Variants in CDH4 observed in about 807,000 individuals in gnomAD.
The protein encoded by CDH4 is cadherin-4.
A neutral mutation model predicts 86.0 loss-of-function variants in CDH4; 33 were observed. The ratio of observed to expected loss-of-function variants is 0.38; its 90% confidence interval spans 0.29 to 0.51. The LOEUF is 0.51. Ranked by LOEUF, CDH4 falls within the 20% of genes least tolerant of loss-of-function variation. The pLI, the probability that CDH4 is intolerant of heterozygous loss-of-function variation, is 0.86. For synonymous variants in CDH4, 555 were observed against 549.4 expected (o/e 1.01, Z -0.14); for missense variants, 1,114 against 1,307.4 (o/e 0.85, Z 2.28).
chr20:61,729,295 GCACCAGTAGGA>G (rs1167078465), intron 2 of CDH4, among the ~76,000 whole-genome samples: 1 of 152,194 alleles, frequency 6.6e-6, no homozygotes, highest in Non-Finnish European at 1.5e-5. Flanking sequence ...GTTCCAGTGG[GCACCAGTAGGA>G]CTGGCTAATG....
At chr20:61,662,371 G>C (rs1323494086) in intron 2 of CDH4, among the ~76,000 whole-genome samples, 1 of 152,236 alleles carries the variant, frequency 6.6e-6, no homozygotes, top group Non-Finnish European at 1.5e-5. Flanking sequence ...TGTAGCACCA[G>C]GTTGTGCTGT....
chr20:61,277,953 C>G (rs551940453), intron 2 of CDH4, among the ~76,000 whole-genome samples: 13 of 152,342 alleles, frequency 8.5e-5, no homozygotes, highest in Non-Finnish European at 1.8e-4. Context: ...CTAATGGGCC[C>G]TCACATCTCA....
intron 5 of CDH4, among the ~76,000 whole-genome samples, chr20:61,845,990 T>G (rs1982437135): frequency 6.6e-6 from 1 of 152,226 alleles, no homozygotes. Flanking sequence ...CAGGCCCAAG[T>G]ACAGAGCCTG....
At position 61,600,514 on chromosome 20, in the gene CDH4, C is replaced by T. The variant is rs113679410; in HGVS notation, c.170-143049C>T. Among the ~76,000 whole-genome samples, 20 of 152,234 alleles carry T rather than the reference C, an allele frequency of 1.3e-4. No individual in the cohort carries two copies. In the East Asian group the frequency reaches 2.3e-3, roughly 18 times the overall value. ...TAGTGGTGCTCAGGTGGCGGGACAGCGGTGAGAATCTAATTCAGAAATGAA... is the reference window on the plus strand; with the variant it reads ...TAGTGGTGCTCAGGTGGCGGGACAGTGGTGAGAATCTAATTCAGAAATGAA... On this transcript the variant is annotated intron_variant, in intron 2 of 15. Transcript: ENST00000614565.
chr20:61,738,260 G>A (rs1005904084), intron 2 of CDH4: 5 of 152,214 alleles, frequency 3.3e-5, no homozygotes, highest in Admixed American at 2.6e-4. Context: ...TGTCAAGTTT[G>A]TTTAAAACTA....
At position 61,932,986 on chromosome 20, in the gene CDH4, C is replaced by T. The variant is rs1031718251; in HGVS notation, c.2241C>T (p.Thr747=). The T allele has an allele frequency of 1.2e-6, 2 of 1,612,318 alleles. No individual in the cohort carries two copies. The highest frequency in any genetic ancestry group is 2.7e-5 in the African/African-American group (2 of 74,938). The change falls in exon 14 of 16, where the codon ACC becomes ACT. Residue 747 remains threonine (T), a splice_region_variant and synonymous_variant. Transcript: ENST00000614565. ...CTCACGGGCAGCCCTCCCCCACAGC[C>T]ATGGTCCTGCTGTTTGTCATGTGGA... ...AILICILILL[T]MVLLFVMWMK... is the part of the protein sequence containing the mutation.
chr20:61,514,979 G>A (rs1402172089), intron 2 of CDH4, among the ~76,000 whole-genome samples: 2 of 152,178 alleles, frequency 1.3e-5, no homozygotes, highest in Non-Finnish European at 2.9e-5. Flanking sequence ...GCGGGGGCGG[G>A]TGGCACGGCT....
chr20:61,423,543 A>G (rs1254911260), intron 2 of CDH4, among the ~76,000 whole-genome samples: 1 of 152,178 alleles, frequency 6.6e-6, no homozygotes, highest in African/African-American at 2.4e-5. Flanking sequence ...GAATATTGCA[A>G]ACGCACTCGG....
At chr20:61,696,316 C>T (rs1479387788) in intron 2 of CDH4, among the ~76,000 whole-genome samples, 1 of 152,210 alleles carries the variant, frequency 6.6e-6, no homozygotes, top group Non-Finnish European at 1.5e-5. Context: ...GCCTGGGGCC[C>T]AGATGTCCAG....
intron 2 of CDH4, among the ~76,000 whole-genome samples, chr20:61,385,940 T>C (rs1400953481): frequency 1.3e-5 from 2 of 152,206 alleles, no homozygotes; most frequent in Non-Finnish European, 2.9e-5. Flanking sequence ...AAGGATTTAA[T>C]GCCTGGCACC....
chr20:61,697,098 A>T (rs1382912337), intron 2 of CDH4, among the ~76,000 whole-genome samples: 3 of 152,152 alleles, frequency 2.0e-5, no homozygotes, highest in Admixed American at 2.0e-4. Context: ...GAAATCAAGA[A>T]TGTGTTGCAG....
chr20:61,858,441 G>A (rs1463278565), intron 6 of CDH4, among the ~76,000 whole-genome samples: 2 of 151,330 alleles, frequency 1.3e-5, no homozygotes, highest in African/African-American at 4.9e-5. Flanking sequence ...GTCTATGTGT[G>A]TCTCTGTGTC....
rs371761388 is a variant in CDH4 at position 61,924,378 on chromosome 20, C to T, written c.1673C>T (p.Ala558Val). The T allele has an allele frequency of 1.9e-5, 31 of 1,613,732 alleles. No individual in the cohort carries two copies. Among genetic ancestry groups the T allele is most frequent in the Non-Finnish European group, 2.6e-5 (31 of 1,179,950 alleles). The change falls in exon 11 of 16, where the codon GCC (alanine) becomes GTC (valine). Residue 558 changes from alanine (A) to valine (V), a missense_variant. Transcript: ENST00000614565. Reference sequence around the variant, plus strand: ...CCAGCGAGCTGGCTGCACATCAATGCCACCAACGGCCAGATCACCACGGCG... The same window carrying T: ...CCAGCGAGCTGGCTGCACATCAATGTCACCAACGGCCAGATCACCACGGCG... ...SDPASWLHIN[A>V]TNGQITTAAV...
chr20:61,706,912 A>C (rs777093470), intron 2 of CDH4, among the ~76,000 whole-genome samples: 9 of 152,146 alleles, frequency 5.9e-5, no homozygotes, highest in Non-Finnish European at 8.8e-5. Context: ...GGCTGAAGAG[A>C]GGCGTCTGTG....
chr20:61,591,756 T>C lies in CDH4; in HGVS notation c.170-151807T>C, dbSNP rs2086520795. On this transcript the variant is annotated intron_variant, in intron 2 of 15. Coordinates refer to ENST00000614565, the MANE Select transcript of CDH4 (RefSeq NM_001794.5). Reference sequence around the variant, plus strand: ...TTAACCCATGCATAATTTTGTAGCATCATGGATTCATCATATGCAATTGGT... The same window carrying C: ...TTAACCCATGCATAATTTTGTAGCACCATGGATTCATCATATGCAATTGGT... Among the ~76,000 whole-genome samples the C allele has an allele frequency of 2.6e-5, 4 of 152,216 alleles. No individual in the cohort carries two copies. The South Asian group carries it at 8.3e-4, about 32-fold the overall frequency.
At chr20:61,874,621 G>A (rs987843492) in intron 7 of CDH4, among the ~76,000 whole-genome samples, 6 of 152,296 alleles carry the variant, frequency 3.9e-5, no homozygotes, top group African/African-American at 1.4e-4. Context: ...ACTGGGCTGT[G>A]CGTTCCCAGA....
At chr20:61,915,684 C>T (rs561044300) in intron 9 of CDH4, among the ~76,000 whole-genome samples, 121 of 152,298 alleles carry the variant, frequency 7.9e-4, no homozygotes, top group Middle Eastern at 3.4e-3. Context: ...CAGAACATCC[C>T]GGAAAAGACA....
intron 9 of CDH4, among the ~76,000 whole-genome samples, chr20:61,917,761 G>A (rs1313496822): frequency 6.6e-6 from 1 of 152,268 alleles, no homozygotes; most frequent in Non-Finnish European, 1.5e-5. Context: ...GAGCCTCAGC[G>A]AGTATATCCA....
intron 7 of CDH4, among the ~76,000 whole-genome samples, chr20:61,875,449 G>T (rs969898915): frequency 6.6e-6 from 1 of 152,194 alleles, no homozygotes; most frequent in Non-Finnish European, 1.5e-5. Flanking sequence ...AGCCCCAGCC[G>T]TGGCACCTTT....
Sources: allele counts gnomAD v4.1 joint callset (sites outside exome capture counted in the v4.1 genomes callset), GRCh38; gene constraint gnomAD v4.1.1; transcripts MANE v1.5; gene names NCBI Gene and HGNC (gene_info 2026-07-23, HGNC 2026-07-21).